DMD: variants seen among roughly 807,000 people sequenced by gnomAD.
The protein encoded by DMD is dystrophin, also known as mutant dystrophin.
In DMD, 63 loss-of-function variants were observed where a neutral mutation model predicts 330.1. The ratio of observed to expected loss-of-function variants is 0.19; its 90% CI spans 0.16 to 0.24. DMD has a LOEUF of 0.24. Among genes scored for constraint, DMD ranks in the 10% least tolerant of loss-of-function variants. DMD has a pLI of 1.00. For missense variants in DMD, 3,344 were observed against 2,684.1 expected (o/e 1.25, Z -5.43); for synonymous variants, 1,223 against 959.8 (o/e 1.27, Z -5.07).
intron 41 of DMD, among the ~76,000 whole-genome samples, chrX:32,313,443 T>G (rs969082172): frequency 9.0e-6 from 1 of 111,685 alleles, no homozygotes; most frequent in Non-Finnish European, 1.9e-5. Context: ...ACAGCCAGTA[T>G]CATACTGAAT....
rs976035327 is a variant in DMD, at chrX:31,198,290, T to C, written c.9807+5671A>G. Among the ~76,000 whole-genome samples, 7 of 111,965 alleles carry C rather than the reference T, an allele frequency of 6.3e-5. No individual in the cohort carries two copies. The Admixed American group carries it at 6.6e-4, about 11-fold the overall frequency. On this transcript the variant is annotated intron_variant, in intron 67 of 78. Coordinates refer to ENST00000357033, the MANE Select transcript of DMD (RefSeq NM_004006.3). ...TGACTATTCACAGGTGCAATTGTTGTGCATTACAGCCTTGAATTCCTGGGC... is the reference window on the plus strand; with the variant it reads ...TGACTATTCACAGGTGCAATTGTTGCGCATTACAGCCTTGAATTCCTGGGC...
intron 4 of DMD, 43 bp downstream of exon 4, chrX:32,844,740 T>C: frequency 9.2e-7 from 1 of 1,091,116 alleles, no homozygotes; most frequent in Non-Finnish European, 1.3e-6. Context: ...ACATGAAGCA[T>C]GCTGTGTCAC....
intron 59 of DMD, among the ~76,000 whole-genome samples, chrX:31,471,833 G>A (rs138750694): frequency 0.043 from 4,822 of 111,240 alleles, 94 homozygotes; most frequent in South Asian, 0.072. Context: ...AAAATATACC[G>A]TACTTATAAA....
intron 1 of DMD, among the ~76,000 whole-genome samples, chrX:33,147,491 A>G (rs746528376): frequency 8.9e-6 from 1 of 112,437 alleles, no homozygotes; most frequent in South Asian, 3.7e-4. Context: ...GGGCTAGTAA[A>G]TATTAAAGCA....
chrX:32,572,342 A>T (rs2052517061), intron 15 of DMD, among the ~76,000 whole-genome samples: 1 of 111,766 alleles, frequency 8.9e-6, no homozygotes, highest in Admixed American at 9.5e-5. Flanking sequence ...ATGAAGTACA[A>T]TGCAATAATA....
intron 47 of DMD, among the ~76,000 whole-genome samples, chrX:31,901,541 C>T (rs955314989): frequency 5.4e-5 from 6 of 111,182 alleles, no homozygotes; most frequent in African/African-American, 2.0e-4. Context: ...CTCAACTTTC[C>T]ACATAATTAC....
chrX:32,025,656 CAACTT>C (rs1385333335), intron 44 of DMD, among the ~76,000 whole-genome samples: 1 of 112,261 alleles, frequency 8.9e-6, no homozygotes, highest in Non-Finnish European at 1.9e-5. Flanking sequence ...GTTAATGAAA[CAACTT>C]AAATGTAATT....
rs752664764 is a variant in DMD at position 31,866,741 on chromosome X, T to C, written c.7098+8447A>G. 8.9e-4 allele frequency among the ~76,000 whole-genome samples: 100 copies of C among 111,954 alleles called. 1 individual carries two copies. The highest frequency in any genetic ancestry group is 1.5e-3 in the South Asian group (4 of 2,708). ...AAGGGAAACAACTTTGTATGCAAAA[T>C]ATACAAGGTATGTTGGATGTGTTTT... On this transcript the variant is annotated intron_variant, in intron 48 of 78. Coordinates refer to ENST00000357033, the MANE Select transcript of DMD (RefSeq NM_004006.3).
At chrX:32,375,374 T>C (rs1379305038) in intron 34 of DMD, among the ~76,000 whole-genome samples, 2 of 112,468 alleles carry the variant, frequency 1.8e-5, no homozygotes, top group Admixed American at 9.5e-5. Context: ...GCAAACCGAA[T>C]GAACAGTGGC....
intron 52 of DMD, among the ~76,000 whole-genome samples, chrX:31,720,659 T>C (rs758141634): frequency 8.9e-6 from 1 of 112,066 alleles, no homozygotes; most frequent in South Asian, 3.7e-4. Flanking sequence ...ATTTATTTAA[T>C]AGTTTTGTTT....
chrX:31,478,313 C>A lies in DMD; in HGVS notation c.8730G>T (p.Glu2910Asp). Residue 2910 changes from glutamate (E) to aspartate (D), a missense_variant, in exon 59 of 79, where the codon GAG (glutamate) becomes GAT (aspartate). Transcript: ENST00000357033. ...VTRLLRKQAEEVNTEWEKLNL... is the reference protein window; with the variant it reads ...VTRLLRKQAEDVNTEWEKLNL... ...TCAATTTTTCCCACTCAGTATTGACCTCCTCAGCCTGCTTTCGTAGAAGCC... is the reference window on the plus strand; with the variant it reads ...TCAATTTTTCCCACTCAGTATTGACATCCTCAGCCTGCTTTCGTAGAAGCC... 2 of 1,211,542 alleles carry A rather than the reference C, an allele frequency of 1.7e-6. No homozygotes were observed. The highest frequency in any genetic ancestry group is 2.2e-6 in the Non-Finnish European group (2 of 895,474).
rs41500547 is a variant in DMD, at chrX:32,500,843, T to C, written c.2380+912A>G. On this transcript the variant is annotated intron_variant, in intron 19 of 78. Coordinates refer to ENST00000357033, the MANE Select transcript of DMD (RefSeq NM_004006.3). ...CTAGGAAGACCACTGAACTTTTGAA[T>C]GCCAAATTTGCAATTAAGGCAAAAA... 6.9e-3 allele frequency among the ~76,000 whole-genome samples: 769 copies of C among 111,844 alleles called. 9 individuals are homozygous for C. Among genetic ancestry groups the C allele is most frequent in the African/African-American group, 0.023 (723 of 30,828 alleles).
chrX:31,350,545 T>C (rs771936891), intron 60 of DMD, among the ~76,000 whole-genome samples: 24 of 110,152 alleles, frequency 2.2e-4, no homozygotes, highest in South Asian at 8.0e-4. Flanking sequence ...ATTTGTTTAA[T>C]GACTAGTTGA....
intron 53 of DMD, among the ~76,000 whole-genome samples, chrX:31,659,189 T>C (rs2080965928): frequency 8.9e-6 from 1 of 111,821 alleles, no homozygotes; most frequent in Non-Finnish European, 1.9e-5. Flanking sequence ...GGGACCGTTA[T>C]CTATTAGGAC....
intron 60 of DMD, among the ~76,000 whole-genome samples, chrX:31,404,900 C>T (rs1232323665): frequency 8.9e-6 from 1 of 112,137 alleles, no homozygotes; most frequent in Non-Finnish European, 1.9e-5. Flanking sequence ...TTTGTCAGTG[C>T]AGAGAGTGCG....
chrX:31,624,540 G>A (rs1410939863), intron 55 of DMD, among the ~76,000 whole-genome samples: 2 of 111,970 alleles, frequency 1.8e-5, no homozygotes, highest in African/African-American at 3.2e-5. Flanking sequence ...ATAGAAAAAC[G>A]GATTGACAGT....
chrX:31,266,996 G>T (rs398124089), intron 62 of DMD: 33 of 782,433 alleles, frequency 4.2e-5, no homozygotes, highest in East Asian at 4.0e-5. Flanking sequence ...GGCGCTGCGG[G>T]CAGACGGGGC....
intron 6 of DMD, among the ~76,000 whole-genome samples, chrX:32,811,029 G>C (rs1240881757): frequency 9.1e-6 from 1 of 110,066 alleles, no homozygotes; most frequent in Non-Finnish European, 1.9e-5. Context: ...CCCTGCCCAA[G>C]CCCTATCTAA....
At chrX:31,494,872 A>C (rs1382229966) in intron 57 of DMD, among the ~76,000 whole-genome samples, 1 of 111,833 alleles carries the variant, frequency 8.9e-6, no homozygotes, top group Non-Finnish European at 1.9e-5. Flanking sequence ...CCAGTGATTC[A>C]TTTTCTTTGG....
Sources: gnomAD v4.1 joint callset for allele counts (sites outside exome capture counted in the v4.1 genomes callset) on GRCh38, gnomAD v4.1.1 for gene constraint, MANE v1.5 for transcripts, NCBI Gene and HGNC (gene_info 2026-07-23, HGNC 2026-07-21) for gene names.